Variants in DNAJC3 observed in about 807,000 individuals in gnomAD.
DNAJC3 encodes the protein dnaJ homolog subfamily C member 3.
DNAJC3 carries 38 observed loss-of-function variants against 68.6 expected under a neutral mutation model. The observed-to-expected ratio is 0.55, with a 90% CI of 0.43 to 0.73. The LOEUF is 0.73. Ranked by LOEUF, DNAJC3 falls within the 30% of genes least tolerant of loss-of-function variation. DNAJC3 has a pLI of 0.00. For synonymous variants in DNAJC3, 203 were observed against 204.0 expected, an observed-to-expected ratio of 1.00 and a Z score of 0.04; for missense variants, 526 against 591.9, an observed-to-expected ratio of 0.89 and a Z score of 1.16.
At position 95,794,229 on chromosome 13, in the gene DNAJC3, A is replaced by G. The variant is rs942813039; in HGVS notation, c.*3199A>G. On this transcript the variant is annotated 3_prime_UTR_variant, in exon 12 of 12. Transcript: ENST00000602402. ...ACATAACTTGGTAAAAAAGGTAGCC[A>G]ATAAAACCACAATTTGAAATTGATA... is the stretch of plus-strand genomic sequence containing the variant. The G allele has an allele frequency of 6.6e-6, 1 of 152,254 alleles. No homozygotes were observed. The highest frequency in any genetic ancestry group is 1.5e-5 in the Non-Finnish European group (1 of 68,050). 9.4% of individuals were successfully genotyped at this position (152,254 alleles called of 1,614,324 possible). A position where few individuals can be genotyped will look rare whatever the true frequency, so the allele number is the denominator to read the frequency against.
intron 2 of DNAJC3, among the ~76,000 whole-genome samples, chr13:95,719,515 C>T (rs1411156151): frequency 2.0e-5 from 3 of 152,196 alleles, no homozygotes; most frequent in Non-Finnish European, 4.4e-5. Context: ...CCCCTGGCAA[C>T]CAGCTCCCAT....
chr13:95,766,760 T>TCTCG lies in DNAJC3; in HGVS notation c.1075+2808_1075+2811dup, dbSNP rs200974741. ...CCCAGGCTGGAGTGCAGTGGCATGA[T>TCTCG]CTCGGTTCACTGCAACTTCCGCCTT... On this transcript the variant is annotated intron_variant, in intron 9 of 11. Coordinates refer to ENST00000602402, the MANE Select transcript of DNAJC3 (RefSeq NM_006260.5). 0.019 allele frequency among the ~76,000 whole-genome samples: 2,873 copies of TCTCG among 151,892 alleles called. 145 individuals carry two copies. In the East Asian group the frequency reaches 0.21, roughly 11 times the overall value.
intron 1 of DNAJC3, among the ~76,000 whole-genome samples, chr13:95,678,394 G>A (rs959825476): frequency 6.6e-6 from 1 of 152,040 alleles, no homozygotes; most frequent in African/African-American, 2.4e-5. Flanking sequence ...GTACTCCCCA[G>A]TTTTTAGGTG....
intron 9 of DNAJC3, among the ~76,000 whole-genome samples, chr13:95,768,976 C>T (rs1033813495): frequency 1.4e-5 from 2 of 138,618 alleles, no homozygotes; most frequent in African/African-American, 2.6e-5. Flanking sequence ...ACTCAGTCTC[C>T]AAAAAATTAT....
intron 4 of DNAJC3, among the ~76,000 whole-genome samples, chr13:95,753,169 A>G (rs1184187808): frequency 2.0e-5 from 3 of 152,118 alleles, no homozygotes; most frequent in African/African-American, 7.2e-5. Context: ...ATGGTTGTAC[A>G]TGCTGTGTGT....
intron 4 of DNAJC3, 125 bp from the exon 5 acceptor site, chr13:95,757,519 C>T: frequency 9.9e-7 from 1 of 1,007,104 alleles, no homozygotes; most frequent in Non-Finnish European, 1.3e-6. Context: ...GCCAGTTTTT[C>T]CAGTATCTCT....
intron 9 of DNAJC3, among the ~76,000 whole-genome samples, chr13:95,776,908 C>T (rs1003371935): frequency 7.9e-5 from 12 of 152,128 alleles, no homozygotes; most frequent in African/African-American, 1.9e-4. Flanking sequence ...TCCCATGTTT[C>T]GTCAGCTGTA....
chr13:95,696,177 C>T (rs1880435164), intron 1 of DNAJC3, among the ~76,000 whole-genome samples: 3 of 152,222 alleles, frequency 2.0e-5, no homozygotes, highest in Admixed American at 2.0e-4. Flanking sequence ...CTTGATATTA[C>T]ATAGTGCATA....
chr13:95,689,734 A>G (rs2139603021), intron 1 of DNAJC3, among the ~76,000 whole-genome samples: 1 of 152,146 alleles, frequency 6.6e-6, no homozygotes, highest in Non-Finnish European at 1.5e-5. Context: ...TAGGCATTTA[A>G]TGCTGTAAAC....
rs148833067 is a variant in DNAJC3 at position 95,732,797 on chromosome 13, T to G, written c.393+7545T>G. 7.6e-3 allele frequency among the ~76,000 whole-genome samples: 1,164 copies of G among 152,180 alleles called. 7 individuals are homozygous for G. Among genetic ancestry groups the G allele is most frequent in the Middle Eastern group, 0.027 (8 of 294 alleles). On this transcript the variant is annotated intron_variant, in intron 4 of 11. Coordinates refer to ENST00000602402, the MANE Select transcript of DNAJC3 (RefSeq NM_006260.5). ...GAAATCTTTTTTTTTATATATGTGT[T>G]TATTGCTACAAAGTTTCCTCTTAGC...
At chr13:95,710,654 GGGT>G (rs1039530440) in intron 2 of DNAJC3, among the ~76,000 whole-genome samples, 16 of 151,632 alleles carry the variant, frequency 1.1e-4, no homozygotes, top group Non-Finnish European at 2.2e-4. Flanking sequence ...TAACAACCGA[GGGT>G]GGTGTTTTGT....
intron 1 of DNAJC3, among the ~76,000 whole-genome samples, chr13:95,685,459 G>A (rs774806441): frequency 1.3e-5 from 2 of 152,194 alleles, no homozygotes; most frequent in Non-Finnish European, 2.9e-5. Flanking sequence ...GCTTATAGGT[G>A]GAAGGGACTT....
chr13:95,723,478 C>A, intron 3 of DNAJC3, 112 bp downstream of exon 3: 1 of 1,223,880 alleles, frequency 8.2e-7, no homozygotes, highest in Non-Finnish European at 1.1e-6. Flanking sequence ...GAGATCAAAG[C>A]TACAGTGATG....
At chr13:95,677,627 A>C (rs17884692) in intron 1 of DNAJC3, among the ~76,000 whole-genome samples, 4,567 of 152,340 alleles carry the variant, frequency 0.03, 237 homozygotes, top group African/African-American at 0.11. Flanking sequence ...GACTTCAGGA[A>C]GTCCTGGGAC....
In DNAJC3 at chr13:95,725,251, TG is replaced by T; in HGVS notation, c.393+1del. 1 of 1,589,684 alleles carries T rather than the reference TG, an allele frequency of 6.3e-7. No homozygotes were observed. The highest frequency in any genetic ancestry group is 8.5e-7 in the Non-Finnish European group (1 of 1,170,890). On this transcript the variant is annotated frameshift_variant and splice_region_variant, in exon 4 of 12. Transcript: ENST00000602402. LOFTEE classifies it high-confidence loss of function. ...LDEAEDDFKK[V>X]LKSNPSENEE... is the part of the protein sequence containing the mutation. ...GAAGCAGAAGATGATTTTAAAAAAGTGGTAAGTTCAATATGTATTTGACTCT... is the reference window on the plus strand; with the variant it reads ...GAAGCAGAAGATGATTTTAAAAAAGTGTAAGTTCAATATGTATTTGACTCT...
At chr13:95,741,445 A>G (rs547571758) in intron 4 of DNAJC3, among the ~76,000 whole-genome samples, 1 of 152,242 alleles carries the variant, frequency 6.6e-6, no homozygotes, top group South Asian at 2.1e-4. Flanking sequence ...CTTGGGCCCT[A>G]GTGGGGGCAA....
intron 2 of DNAJC3, among the ~76,000 whole-genome samples, chr13:95,717,562 G>T (rs1881190962): frequency 6.6e-6 from 1 of 152,098 alleles, no homozygotes; most frequent in Non-Finnish European, 1.5e-5. Context: ...ATATGGTTTG[G>T]CTGTGTCCCC....
At chr13:95,732,000 G>C (rs568696934) in intron 4 of DNAJC3, among the ~76,000 whole-genome samples, 1 of 148,538 alleles carries the variant, frequency 6.7e-6, no homozygotes, top group African/African-American at 2.5e-5. Flanking sequence ...TTGGCCTCCC[G>C]AAGTGCTGAG....
Position 95,725,195 on chromosome 13 carries a change from T to C in DNAJC3, c.336T>C (p.Gly112=), listed in dbSNP as rs1243476493. The C allele has an allele frequency of 1.3e-6, 2 of 1,587,970 alleles. No individual in the cohort carries two copies. Among genetic ancestry groups the C allele is most frequent in the East Asian group, 2.3e-5 (1 of 43,688 alleles). Reference sequence around the variant, plus strand: ...TTTTCTAGGCAAGATTACAGAGAGGTCACTTATTACTCAAACAAGGAAAAC... The same window carrying C: ...TTTTCTAGGCAAGATTACAGAGAGGCCACTTATTACTCAAACAAGGAAAAC... ...MDFTAARLQR[G]HLLLKQGKLD... is the part of the protein sequence containing the mutation. Residue 112 remains glycine, a synonymous_variant, in exon 4 of 12, where the codon GGT becomes GGC. Coordinates refer to ENST00000602402, the MANE Select transcript of DNAJC3 (RefSeq NM_006260.5).
Sources: gnomAD v4.1 joint callset for allele counts (sites outside exome capture counted in the v4.1 genomes callset) on GRCh38, gnomAD v4.1.1 for gene constraint, MANE v1.5 for transcripts, NCBI Gene and HGNC (gene_info 2026-07-23, HGNC 2026-07-21) for gene names.